The following ATG3 variants were observed in gnomAD, a reference collection of about 807,000 sequenced individuals.
The protein encoded by ATG3 is autophagy related 3.
A neutral mutation model predicts 50.7 loss-of-function variants in ATG3; 25 were observed. The ratio of observed to expected loss-of-function variants is 0.49; its 90% confidence interval spans 0.36 to 0.69. The LOEUF (loss-of-function observed/expected upper bound fraction) is 0.69. Among genes scored for constraint, ATG3 ranks in the 30% least tolerant of loss-of-function variants. ATG3 has a pLI of 0.00. For missense variants in ATG3, 281 were observed against 376.0 expected (o/e 0.75, Z 2.09); for synonymous variants, 119 against 125.5 (o/e 0.95, Z 0.34).
chr3:112,555,001 T>C (rs1933627124), intron 2 of ATG3, among the ~76,000 whole-genome samples: 1 of 152,206 alleles, frequency 6.6e-6, no homozygotes, highest in East Asian at 1.9e-4. Context: ...TGCAACCAGA[T>C]GCTACATTTA....
At chr3:112,551,267 G>T (rs572277512) in intron 3 of ATG3, among the ~76,000 whole-genome samples, 18 of 152,110 alleles carry the variant, frequency 1.2e-4, no homozygotes, top group Non-Finnish European at 2.2e-4. Context: ...ATTATTTGAC[G>T]GCCTTCTAGA....
intron 4 of ATG3, 120 bp from the exon 5 acceptor site, chr3:112,548,760 A>G (rs1301106495): frequency 6.5e-6 from 5 of 763,510 alleles, no homozygotes; most frequent in Non-Finnish European, 1.1e-5. Flanking sequence ...TACTAAGTGA[A>G]TATTTCACTT....
At chr3:112,539,598 T>C in intron 7 of ATG3, among the ~76,000 whole-genome samples, 1 of 152,334 alleles carries the variant, frequency 6.6e-6, no homozygotes, top group East Asian at 1.9e-4. Flanking sequence ...TAACTAATAC[T>C]GTATATATTT....
intron 1 of ATG3, among the ~76,000 whole-genome samples, chr3:112,558,979 T>A (rs1933762213): frequency 6.6e-6 from 1 of 152,304 alleles, no homozygotes; most frequent in East Asian, 1.9e-4. Flanking sequence ...CCTCAGGTGA[T>A]CCACCCGCCT....
chr3:112,550,835 T>G (rs977467482), intron 3 of ATG3, among the ~76,000 whole-genome samples: 6 of 152,234 alleles, frequency 3.9e-5, no homozygotes, highest in African/African-American at 1.4e-4. Context: ...GAGTGCTTAT[T>G]GAGTATAGAA....
chr3:112,549,244 T>C (rs961104953), intron 4 of ATG3, among the ~76,000 whole-genome samples: 6 of 152,186 alleles, frequency 3.9e-5, no homozygotes, highest in Non-Finnish European at 8.8e-5. Flanking sequence ...AAGCCTAAGA[T>C]TGGGTAATTA....
Position 112,536,718 on chromosome 3 carries a change from G to C in ATG3, c.667-116C>G, listed in dbSNP as rs1034597663. On this transcript the variant is annotated intron_variant, in intron 9 of 11. Coordinates refer to ENST00000283290, the MANE Select transcript of ATG3 (RefSeq NM_022488.5). ...GGGCGGATCACATGGTCAGGAGATC[G>C]AGACCATCCTGGCTAACATGGTGAA... 12 of 1,051,292 alleles carry C rather than the reference G, an allele frequency of 1.1e-5. No homozygotes were observed. The African/African-American group carries it at 1.9e-4, about 17-fold the overall frequency. 65.1% of individuals were successfully genotyped at this position (1,051,292 alleles called of 1,614,324 possible).
chr3:112,554,804 G>C (rs1192200789), intron 2 of ATG3, among the ~76,000 whole-genome samples: 1 of 152,102 alleles, frequency 6.6e-6, no homozygotes, highest in African/African-American at 2.4e-5. Flanking sequence ...TATCAAATAA[G>C]AATTCTAAGA....
chr3:112,559,001 T>C (rs1393693962), intron 1 of ATG3, among the ~76,000 whole-genome samples: 1 of 152,078 alleles, frequency 6.6e-6, no homozygotes, highest in Non-Finnish European at 1.5e-5. Flanking sequence ...GGCCTCCCAA[T>C]GTGCTGGGAT....
At chr3:112,553,392 T>C in intron 2 of ATG3, 63 bp from the exon 3 acceptor site, 3 of 1,476,890 alleles carry the variant, frequency 2.0e-6, no homozygotes, top group Non-Finnish European at 2.8e-6. Flanking sequence ...TCACTGAATG[T>C]GCAAGGTGGC....
chr3:112,534,389 G>T, intron 10 of ATG3, 52 bp from the exon 11 acceptor site: 4 of 1,168,312 alleles, frequency 3.4e-6, no homozygotes, highest in East Asian at 2.5e-5. Flanking sequence ...TAGACCGAAA[G>T]AAGAAAAACA....
chr3:112,541,682 C>T (rs1933231973), intron 7 of ATG3, 121 bp downstream of exon 7: 2 of 775,192 alleles, frequency 2.6e-6, no homozygotes, highest in Admixed American at 2.5e-5. Context: ...ATATATAAAA[C>T]ACTCACTAGG....
At chr3:112,541,105 T>A (rs1933211878) in intron 7 of ATG3, among the ~76,000 whole-genome samples, 1 of 152,114 alleles carries the variant, frequency 6.6e-6, no homozygotes, top group African/African-American at 2.4e-5. Context: ...AAAGGCCCCA[T>A]TAGCCAAGCA....
At chr3:112,559,799 C>T (rs1248694054) in intron 1 of ATG3, among the ~76,000 whole-genome samples, 1 of 152,194 alleles carries the variant, frequency 6.6e-6, no homozygotes, top group Non-Finnish European at 1.5e-5. Flanking sequence ...ACCAATTAAG[C>T]AGAACCTTAG....
chr3:112,534,345 C>CAAAAAAAAAA lies in ATG3; in HGVS notation c.795-9_795-8insTTTTTTTTTT, dbSNP rs1932958100. 7.7e-7 allele frequency: 1 copy of CAAAAAAAAAA among 1,292,428 alleles called. No individual in the cohort carries two copies. The allele number at this position is 1,292,428 out of a possible 1,614,324, so 80.1% of individuals were successfully genotyped here. On this transcript the variant is annotated splice_polypyrimidine_tract_variant and intron_variant, in intron 10 of 11. Coordinates refer to ENST00000283290, the MANE Select transcript of ATG3 (RefSeq NM_022488.5). ...TTCATCACCTCAGCATGCCTAGAAG[C>CAAAAAAAAAA]CAAAAAAAAAAAAAATTGTTAATGT...
rs142259947 is a variant in ATG3 at position 112,542,945 on chromosome 3, T to C, written c.394-1061A>G. Reference sequence around the variant, plus strand: ...TAAAACAGCAAAGCAATTTGTGTTATTTCTCCGTAAGTCATTCAAACACTC... The same window carrying C: ...TAAAACAGCAAAGCAATTTGTGTTACTTCTCCGTAAGTCATTCAAACACTC... On this transcript the variant is annotated intron_variant, in intron 6 of 11. Transcript: ENST00000283290. 1.5e-3 allele frequency among the ~76,000 whole-genome samples: 222 copies of C among 152,186 alleles called. 2 individuals carry two copies. The highest frequency in any genetic ancestry group is 2.9e-3 in the Non-Finnish European group (196 of 67,912).
At chr3:112,539,928 C>G (rs1005040151) in intron 7 of ATG3, among the ~76,000 whole-genome samples, 1 of 152,198 alleles carries the variant, frequency 6.6e-6, no homozygotes, top group African/African-American at 2.4e-5. Flanking sequence ...TACCCCACCA[C>G]CCCAACTTGG....
chr3:112,540,041 C>T (rs1251937611), intron 7 of ATG3, among the ~76,000 whole-genome samples: 1 of 152,128 alleles, frequency 6.6e-6, no homozygotes, highest in Non-Finnish European at 1.5e-5. Flanking sequence ...GGAAATGAAA[C>T]TGAAATACAT....
chr3:112,535,444 A>G (rs1173746906), intron 10 of ATG3: 1 of 152,194 alleles, frequency 6.6e-6, no homozygotes, highest in African/African-American at 2.4e-5. Context: ...TAAAGTTTAT[A>G]CCTCAGAGAG....
Sources: gnomAD v4.1 joint callset for allele counts (sites outside exome capture counted in the v4.1 genomes callset) on GRCh38, gnomAD v4.1.1 for gene constraint, MANE v1.5 for transcripts, NCBI Gene and HGNC (gene_info 2026-07-23, HGNC 2026-07-21) for gene names.